TRMT9B: variants seen among roughly 807,000 people sequenced by gnomAD.
The protein encoded by TRMT9B is probable tRNA methyltransferase 9B.
In TRMT9B, 16 loss-of-function variants were observed where a neutral mutation model predicts 11.5. The ratio of observed to expected loss-of-function variants is 1.39; its 90% CI spans 0.94 to 2.11. The LOEUF (loss-of-function observed/expected upper bound fraction) is 2.11. Among genes scored for constraint, TRMT9B ranks in the 30% most tolerant of loss-of-function variants. TRMT9B has a pLI of 0.00. For synonymous variants in TRMT9B, 274 were observed against 192.4 expected, an observed-to-expected ratio of 1.42 and a Z score of -3.51; for missense variants, 941 against 553.8, an observed-to-expected ratio of 1.70 and a Z score of -7.02.
At chr8:12,980,194 C>G (rs2049145) in intron 1 of TRMT9B, among the ~76,000 whole-genome samples, 43,937 of 151,914 alleles carry the variant, frequency 0.29, 6,801 homozygotes, top group East Asian at 0.59. Context: ...GGCCTGCTCC[C>G]TTTGAATTCT....
intron 2 of TRMT9B, among the ~76,000 whole-genome samples, chr8:12,991,450 C>A (rs150551131): frequency 6.6e-6 from 1 of 152,090 alleles, no homozygotes; most frequent in Non-Finnish European, 1.5e-5. Context: ...TTTAACTGTT[C>A]GGACCAACTT....
intron 1 of TRMT9B, among the ~76,000 whole-genome samples, chr8:12,988,152 C>G (rs1585221759): frequency 1.3e-5 from 2 of 152,216 alleles, no homozygotes; most frequent in East Asian, 3.9e-4. Context: ...CTCCTTTTCA[C>G]CTGGCTGACC....
chr8:13,019,388 C>G (rs1368003358), intron 4 of TRMT9B, among the ~76,000 whole-genome samples: 1 of 152,226 alleles, frequency 6.6e-6, no homozygotes, highest in African/African-American at 2.4e-5. Flanking sequence ...ACCTCCCTGG[C>G]TCAAATGATC....
intron 3 of TRMT9B, chr8:13,012,264 G>A (rs1460662705): frequency 4.1e-6 from 4 of 987,252 alleles, no homozygotes; most frequent in Non-Finnish European, 4.8e-6. Context: ...GTTGTATTCT[G>A]TCTTGGTTAG....
intron 4 of TRMT9B, among the ~76,000 whole-genome samples, chr8:13,018,575 A>T (rs559041652): frequency 6.6e-6 from 1 of 152,092 alleles, no homozygotes; most frequent in Admixed American, 6.5e-5. Context: ...TACAGTAGTC[A>T]TGTTCTATAA....
At chr8:12,982,586 C>T (rs762453235) in intron 1 of TRMT9B, among the ~76,000 whole-genome samples, 10 of 151,546 alleles carry the variant, frequency 6.6e-5, no homozygotes, top group Non-Finnish European at 1.5e-4. Flanking sequence ...CACTGGAACC[C>T]AAGAGGCGGA....
At chr8:12,978,400 C>T (rs1249947575) in intron 1 of TRMT9B, among the ~76,000 whole-genome samples, 2 of 152,114 alleles carry the variant, frequency 1.3e-5, no homozygotes. Context: ...CCAACTTTCT[C>T]TAATAAATCT....
chr8:12,990,875 T>G lies in TRMT9B; in HGVS notation c.-158T>G. On this transcript the variant is annotated 5_prime_UTR_variant, in exon 2 of 5. It removes an upstream start codon present in the reference 5' UTR. Transcript: ENST00000524591. ...AGAGACTCACACAAGAGGTTTATCA[T>G]GAGAAGGACCGCACTATTTCATTTC... is the stretch of plus-strand genomic sequence containing the variant. The G allele has an allele frequency of 1.6e-6, 2 of 1,289,706 alleles. No homozygotes were observed. The highest frequency in any genetic ancestry group is 2.0e-6 in the Non-Finnish European group (2 of 988,662). The allele number at this position is 1,289,706 out of a possible 1,614,324, so 79.9% of individuals were successfully genotyped here.
chr8:12,960,810 G>T (rs1428314126), intron 1 of TRMT9B, among the ~76,000 whole-genome samples: 4 of 152,096 alleles, frequency 2.6e-5, no homozygotes, highest in Non-Finnish European at 4.4e-5. Flanking sequence ...CGAGTGTGGG[G>T]GTAAGAGAAG....
At chr8:12,969,324 G>A (rs1038427680) in intron 1 of TRMT9B, among the ~76,000 whole-genome samples, 1 of 152,176 alleles carries the variant, frequency 6.6e-6, no homozygotes, top group Non-Finnish European at 1.5e-5. Context: ...ACAGAGGCCT[G>A]TAAATCTACC....
At chr8:12,950,537 TTTTC>T (rs59371113) in intron 1 of TRMT9B, among the ~76,000 whole-genome samples, 121 of 149,472 alleles carry the variant, frequency 8.1e-4, no homozygotes, top group East Asian at 1.4e-3. Context: ...ACTCGTGGTT[TTTTC>T]TTTCTTTCTT....
rs373503359 is a variant in TRMT9B, at chr8:13,026,687, T to C, written c.*4643T>C. On this transcript the variant is annotated 3_prime_UTR_variant, in exon 5 of 5. Transcript: ENST00000524591. ...CTGAGGCAGAAAGAAATTAAATTGCTTAAGGTTACACACATAGTAGGTATC... is the reference window on the plus strand; with the variant it reads ...CTGAGGCAGAAAGAAATTAAATTGCCTAAGGTTACACACATAGTAGGTATC... 5.4e-5 allele frequency: 9 copies of C among 167,290 alleles called. 1 individual carries two copies. The highest frequency in any genetic ancestry group is 2.2e-4 in the African/African-American group (9 of 41,600). The allele number at this position is 167,290 out of a possible 1,614,324, so 10.4% of individuals were successfully genotyped here. A position where few individuals can be genotyped will look rare whatever the true frequency, so the allele number is the denominator to read the frequency against.
At position 13,021,250 on chromosome 8, in the gene TRMT9B, C is replaced by T. The variant is rs904720765; in HGVS notation, c.571C>T (p.His191Tyr). The T allele has an allele frequency of 1.2e-6, 2 of 1,614,004 alleles. No homozygotes were observed. Among genetic ancestry groups the T allele is most frequent in the African/African-American group, 1.3e-5 (1 of 75,050 alleles). The change falls in exon 5 of 5, where the codon CAT becomes TAT. Residue 191 changes from histidine (H) to tyrosine (Y), a missense_variant. Transcript: ENST00000524591. ...ATACCCAGAAAGAGGCCATCCCTAC[C>T]ATCCTCCTTGCTCTGAGTGTAGCTG... is the stretch of plus-strand genomic sequence containing the variant. ...CGYPERGHPY[H>Y]PPCSECSCSV...
At chr8:12,952,338 C>T (rs1800737868) in intron 1 of TRMT9B, 1 of 328,510 alleles carries the variant, frequency 3.0e-6, no homozygotes, top group Non-Finnish European at 6.3e-6. Context: ...CCGGAGCCCG[C>T]GCCCGGGTCT....
chr8:12,997,856 A>G (rs1170833746), intron 2 of TRMT9B, among the ~76,000 whole-genome samples: 1 of 152,068 alleles, frequency 6.6e-6, no homozygotes, highest in Non-Finnish European at 1.5e-5. Context: ...AACAATTCAC[A>G]TTTCTTCCAG....
In TRMT9B at chr8:13,012,721, G is replaced by C. The variant is rs371980778; in HGVS notation, c.192G>C (p.Gln64His). The change falls in exon 4 of 5, where the codon CAG becomes CAC. Residue 64 changes from glutamine to histidine, a missense_variant. Coordinates refer to ENST00000524591, the MANE Select transcript of TRMT9B (RefSeq NM_020844.3). Reference sequence around the variant, plus strand: ...GAAAATATCTTAAAGTGAACAGCCAGGTACATACCGTGGGCTGTGACTACT... The same window carrying C: ...GAAAATATCTTAAAGTGAACAGCCACGTACATACCGTGGGCTGTGACTACT... ...GTGKYLKVNS[Q>H]VHTVGCDYCG... The C allele has an allele frequency of 6.2e-7, 1 of 1,613,976 alleles. No individual in the cohort carries two copies. Among genetic ancestry groups the C allele is most frequent in the South Asian group, 1.1e-5 (1 of 91,082 alleles).
intron 2 of TRMT9B, among the ~76,000 whole-genome samples, chr8:13,001,590 C>G (rs1400706439): frequency 6.6e-6 from 1 of 152,162 alleles, no homozygotes; most frequent in Non-Finnish European, 1.5e-5. Context: ...ATTAACATTT[C>G]CACAGTGTCT....
chr8:12,971,763 G>T (rs1462494212), intron 1 of TRMT9B, among the ~76,000 whole-genome samples: 1 of 152,102 alleles, frequency 6.6e-6, no homozygotes, highest in African/African-American at 2.4e-5. Context: ...TTTAGATGTG[G>T]TTATCGCTTT....
At chr8:12,998,648 C>T (rs1441481210) in intron 2 of TRMT9B, among the ~76,000 whole-genome samples, 1 of 152,184 alleles carries the variant, frequency 6.6e-6, no homozygotes, top group Non-Finnish European at 1.5e-5. Context: ...GCACCTCCTC[C>T]CTGGTGACAA....
Sources: gnomAD v4.1 joint callset for allele counts (sites outside exome capture counted in the v4.1 genomes callset) on GRCh38, gnomAD v4.1.1 for gene constraint, MANE v1.5 for transcripts, NCBI Gene and HGNC (gene_info 2026-07-23, HGNC 2026-07-21) for gene names.